Variants in PSMB1 observed in about 807,000 individuals in gnomAD.
PSMB1 encodes the protein proteasome subunit beta type-1.
In PSMB1, 7 loss-of-function variants were observed where a neutral mutation model predicts 25.4. The ratio of observed to expected loss-of-function variants is 0.28; its 90% CI spans 0.16 to 0.52. The LOEUF is 0.52. Ranked by LOEUF, PSMB1 falls within the 20% of genes least tolerant of loss-of-function variation. PSMB1 has a pLI of 0.97. For missense variants in PSMB1, 284 were observed against 302.2 expected, an observed-to-expected ratio of 0.94 and a Z score of 0.45; for synonymous variants, 119 against 115.0, an observed-to-expected ratio of 1.03 and a Z score of -0.22.
rs756840742 is a variant in PSMB1 at position 170,543,682 on chromosome 6, C to T, written c.352G>A (p.Ala118Thr). Residue 118 changes from alanine (A) to threonine (T), a missense_variant, in exon 4 of 6, where the codon GCA becomes ACA. Physicochemically the swap from Ala to Thr is moderately conservative, Grantham distance 58. Transcript: ENST00000262193. ...GAATACAGGATTGTAGACAGCATTGCAGCAATTGCCCCCGTAGTCATGGCC... is the reference window on the plus strand; with the variant it reads ...GAATACAGGATTGTAGACAGCATTGTAGCAATTGCCCCCGTAGTCATGGCC... Reference protein sequence around the residue: ...NKAMTTGAIAAMLSTILYSRR... With the variant: ...NKAMTTGAIATMLSTILYSRR... 1.9e-6 allele frequency: 3 copies of T among 1,612,430 alleles called. No individual in the cohort carries two copies. Among genetic ancestry groups the T allele is most frequent in the Non-Finnish European group, 2.5e-6 (3 of 1,178,720 alleles).
At chr6:170,535,678 GCTATAA>G (rs1458258828) in intron 5 of PSMB1, among the ~76,000 whole-genome samples, 10 of 152,294 alleles carry the variant, frequency 6.6e-5, no homozygotes, top group Admixed American at 2.6e-4. Context: ...TCAGAGAATT[GCTATAA>G]CTAAGAAGAA....
At chr6:170,542,256 T>G (rs936883371) in intron 4 of PSMB1, among the ~76,000 whole-genome samples, 2 of 152,134 alleles carry the variant, frequency 1.3e-5, no homozygotes, top group African/African-American at 4.8e-5. Context: ...GAGTCAGAGA[T>G]AGCGCACGCA....
chr6:170,540,588 CAAAAAAAAAAAA>C (rs5881872), intron 4 of PSMB1, among the ~76,000 whole-genome samples: 1 of 61,200 alleles, frequency 1.6e-5, no homozygotes. Context: ...GAATGGACAG[CAAAAAAAAAAAA>C]AAAAAAAAAA....
chr6:170,544,049 C>T (rs1333554400), intron 3 of PSMB1, among the ~76,000 whole-genome samples: 3 of 152,060 alleles, frequency 2.0e-5, no homozygotes, highest in African/African-American at 7.2e-5. Context: ...CATCTCTCTC[C>T]CTCACTCTGC....
chr6:170,543,695 C>T lies in PSMB1; in HGVS notation c.339G>A (p.Thr113=), dbSNP rs755840169. 2.2e-5 allele frequency: 36 copies of T among 1,611,360 alleles called. No homozygotes were observed. Among genetic ancestry groups the T allele is most frequent in the Non-Finnish European group, 2.8e-5 (33 of 1,178,322 alleles). ...TAGACAGCATTGCAGCAATTGCCCCCGTAGTCATGGCCTTATTATTGGAAT... is the reference window on the plus strand; with the variant it reads ...TAGACAGCATTGCAGCAATTGCCCCTGTAGTCATGGCCTTATTATTGGAAT... ...YKHSNNKAMT[T]GAIAAMLSTI... is the part of the protein sequence containing the mutation. Residue 113 remains threonine, a synonymous_variant, in exon 4 of 6, where the codon ACG becomes ACA. Transcript: ENST00000262193.
intron 1 of PSMB1, among the ~76,000 whole-genome samples, chr6:170,550,918 G>C (rs111893361): frequency 0.042 from 3,132 of 74,234 alleles, 249 homozygotes; most frequent in African/African-American, 0.14. Context: ...GGGGGGGGGG[G>C]GTCAATTGCC....
At position 170,535,298 on chromosome 6, in the gene PSMB1, G is replaced by A. The variant is rs761483778; in HGVS notation, c.648C>T (p.Tyr216=). The change falls in exon 6 of 6, where the codon TAC becomes TAT. Residue 216 remains tyrosine, a synonymous_variant. Transcript: ENST00000262193. Reference sequence around the variant, plus strand: ...TGCAGATCCGGAGTGCGTCCCCAGTGTACACATCTCTCTCAGCCGCAGAAA... The same window carrying A: ...TGCAGATCCGGAGTGCGTCCCCAGTATACACATCTCTCTCAGCCGCAGAAA... ...VFISAAERDV[Y]TGDALRICIV... 1.9e-6 allele frequency: 3 copies of A among 1,614,132 alleles called. No homozygotes were observed. The highest frequency in any genetic ancestry group is 2.5e-6 in the Non-Finnish European group (3 of 1,180,024).
At chr6:170,542,143 G>T (rs138724995) in intron 4 of PSMB1, among the ~76,000 whole-genome samples, 1 of 152,050 alleles carries the variant, frequency 6.6e-6, no homozygotes, top group African/African-American at 2.4e-5. Context: ...AAGGTTGAAA[G>T]CCTTAAAAAG....
chr6:170,543,785 A>T, intron 3 of PSMB1, 55 bp from the exon 4 acceptor site: 1 of 1,500,434 alleles, frequency 6.7e-7, no homozygotes, highest in Non-Finnish European at 9.0e-7. Flanking sequence ...ATTATAGACT[A>T]GAACAATCAA....
chr6:170,546,578 G>A (rs12207711), intron 2 of PSMB1, among the ~76,000 whole-genome samples: 6,221 of 152,238 alleles, frequency 0.041, 157 homozygotes, highest in Middle Eastern at 0.085. Context: ...CAATTCCCCT[G>A]CCTCAGCCTC....
intron 2 of PSMB1, among the ~76,000 whole-genome samples, chr6:170,546,676 G>A (rs1778824131): frequency 6.6e-6 from 1 of 152,140 alleles, no homozygotes; most frequent in Non-Finnish European, 1.5e-5. Context: ...ATGTTGGCCA[G>A]GCTGGTCTCA....
At chr6:170,539,343 A>G (rs1198009012) in intron 4 of PSMB1, among the ~76,000 whole-genome samples, 2 of 152,212 alleles carry the variant, frequency 1.3e-5, no homozygotes, top group Admixed American at 6.5e-5. Flanking sequence ...CTGTGTAGCA[A>G]AAGGCACCAC....
chr6:170,539,546 A>T (rs1359885569), intron 4 of PSMB1, among the ~76,000 whole-genome samples: 3 of 152,250 alleles, frequency 2.0e-5, no homozygotes, highest in African/African-American at 7.2e-5. Context: ...CATGCCCAAG[A>T]ATATATATAA....
chr6:170,541,008 T>C (rs1017683557), intron 4 of PSMB1, among the ~76,000 whole-genome samples: 2 of 152,068 alleles, frequency 1.3e-5, no homozygotes, highest in Non-Finnish European at 2.9e-5. Flanking sequence ...AACATCACTA[T>C]ACAATTTCAG....
chr6:170,539,916 T>C (rs756628234), intron 4 of PSMB1, among the ~76,000 whole-genome samples: 6 of 152,144 alleles, frequency 3.9e-5, no homozygotes, highest in Non-Finnish European at 8.8e-5. Flanking sequence ...GTTAATTAAA[T>C]ACAAAAATCA....
chr6:170,546,126 T>C lies in PSMB1; in HGVS notation c.280A>G (p.Lys94Glu), dbSNP rs2114979656. Residue 94 changes from lysine (K) to glutamate (E), a missense_variant, in exon 3 of 6, where the codon AAG becomes GAG. Coordinates refer to ENST00000262193, the MANE Select transcript of PSMB1 (RefSeq NM_002793.4). Reference protein sequence around the residue: ...GFHGDCLTLTKIIEARLKMYK... With the variant: ...GFHGDCLTLTEIIEARLKMYK... ...ACCTTTAGTCTTGCTTCAATAATCT[T>C]TGTCAGCGTAAGACAGTCTCCATGA... 6.2e-7 allele frequency: 1 copy of C among 1,613,826 alleles called. No individual in the cohort carries two copies. Among genetic ancestry groups the C allele is most frequent in the Non-Finnish European group, 8.5e-7 (1 of 1,179,810 alleles).
chr6:170,537,805 G>A (rs975748510), intron 4 of PSMB1, among the ~76,000 whole-genome samples: 2 of 152,154 alleles, frequency 1.3e-5, no homozygotes, highest in Admixed American at 6.5e-5. Context: ...TAAGAGAGTA[G>A]GGAGAACACA....
At position 170,553,284 on chromosome 6, in the gene PSMB1, G is replaced by A. The variant is rs777801687; in HGVS notation, c.-42C>T. 1.2e-5 allele frequency: 18 copies of A among 1,469,362 alleles called. No homozygotes were observed. The highest frequency in any genetic ancestry group is 2.0e-4 in the Middle Eastern group (1 of 4,882). The allele number at this position is 1,469,362 out of a possible 1,614,324, so 91.0% of individuals were successfully genotyped here. On this transcript the variant is annotated 5_prime_UTR_variant, in exon 1 of 6. Transcript: ENST00000262193. ...CGGATCCGACACTTGCTGTCTCACG[G>A]CGAGATGGCTGCCTTGACCGGACGT... is the stretch of plus-strand genomic sequence containing the variant.
chr6:170,546,333 A>T, intron 2 of PSMB1, 149 bp from the exon 3 acceptor site: 1 of 637,962 alleles, frequency 1.6e-6, no homozygotes, highest in Admixed American at 2.8e-5. Context: ...AGGGGTCTGT[A>T]TTCCATCTTA....
Sources: gnomAD v4.1 joint callset for allele counts (sites outside exome capture counted in the v4.1 genomes callset) on GRCh38, gnomAD v4.1.1 for gene constraint, MANE v1.5 for transcripts, NCBI Gene and HGNC (gene_info 2026-07-23, HGNC 2026-07-21) for gene names.